RTN4: variants seen among roughly 807,000 people sequenced by gnomAD.
RTN4 encodes reticulon-4.
In RTN4, 32 loss-of-function variants were observed where a neutral mutation model predicts 90.4. That is an observed-to-expected ratio of 0.35 (90% CI 0.27 to 0.48). The LOEUF is 0.48. Among genes scored for constraint, RTN4 ranks in the 20% least tolerant of loss-of-function variants. RTN4 has a pLI of 0.99. For missense variants in RTN4, 1,706 were observed against 1,430.2 expected (o/e 1.19, Z -3.11); for synonymous variants, 629 against 552.5 (o/e 1.14, Z -1.94).
At chr2:55,104,472 T>G (rs1475324329) in intron 1 of RTN4, among the ~76,000 whole-genome samples, 1 of 151,964 alleles carries the variant, frequency 6.6e-6, no homozygotes, top group Admixed American at 6.6e-5. Context: ...TGCTTCAGCC[T>G]CCCGAGTATC....
rs1668018633 is a variant in RTN4, at chr2:55,050,089, G to A, written c.212C>T (p.Ala71Val). The A allele has an allele frequency of 2.7e-6, 4 of 1,473,414 alleles. No individual in the cohort carries two copies. The African/African-American group carries it at 4.4e-5, about 16-fold the overall frequency. The allele number at this position is 1,473,414 out of a possible 1,614,324, so 91.3% of individuals were successfully genotyped here. A position where few individuals can be genotyped will look rare whatever the true frequency, so the allele number is the denominator to read the frequency against. The change falls in exon 1 of 9, where the codon GCC becomes GTC. Residue 71 changes from alanine to valine, a missense_variant. Ala to Val is a moderately conservative substitution (Grantham distance 64). Transcript: ENST00000337526. The surrounding 1 kb of genome is among the most constrained non-coding windows in gnomAD (Gnocchi z 4.6). ...CATCAGGGGCGCGCCGGCGGCAGGGGCGGTGGGCACTGGGGCCGCGGACAG... is the reference window on the plus strand; with the variant it reads ...CATCAGGGGCGCGCCGGCGGCAGGGACGGTGGGCACTGGGGCCGCGGACAG... Reference protein sequence around the residue: ...AGLSAAPVPTAPAAGAPLMDF... With the variant: ...AGLSAAPVPTVPAAGAPLMDF...
chr2:55,093,657 G>A (rs1200738831), intron 1 of RTN4, among the ~76,000 whole-genome samples: 1 of 152,130 alleles, frequency 6.6e-6, no homozygotes, highest in Non-Finnish European at 1.5e-5. Flanking sequence ...GGCCAGGGGG[G>A]ATTAGGAAAG....
At chr2:55,064,040 G>A (rs941322164) in intron 2 of RTN4, among the ~76,000 whole-genome samples, 1 of 151,916 alleles carries the variant, frequency 6.6e-6, no homozygotes, top group African/African-American at 2.4e-5. Flanking sequence ...GGGCAACAAA[G>A]TGAGACCCTC....
chr2:55,071,196 G>A (rs1403561810), intron 2 of RTN4, among the ~76,000 whole-genome samples: 3 of 151,574 alleles, frequency 2.0e-5, no homozygotes, highest in African/African-American at 7.3e-5. Flanking sequence ...GCCACCAGGG[G>A]GTCTCTTGCT....
intron 3 of RTN4, among the ~76,000 whole-genome samples, chr2:54,995,097 G>A (rs900410433): frequency 6.6e-6 from 1 of 151,970 alleles, no homozygotes; most frequent in African/African-American, 2.4e-5. Flanking sequence ...AAAATTAGCT[G>A]GGCATGGTGG....
chr2:54,997,284 T>C (rs1679504366), intron 3 of RTN4, among the ~76,000 whole-genome samples: 2 of 152,118 alleles, frequency 1.3e-5, no homozygotes, highest in African/African-American at 2.4e-5. Flanking sequence ...ATTATAAAAA[T>C]GCAAACCAAA....
In RTN4 at chr2:55,027,057, T is replaced by C. The variant is rs1675377308; in HGVS notation, c.1042A>G (p.Thr348Ala). ...TCTTTAACCAATTTAGTAAGAGCTG[T>C]AGGTAACTCTTGTTGATTATGAAGG... ...NILHNQQELP[T>A]ALTKLVKEDE... is the part of the protein sequence containing the mutation. Residue 348 changes from threonine to alanine, a missense_variant, in exon 3 of 9, where the codon ACA becomes GCA. Coordinates refer to ENST00000337526, the MANE Select transcript of RTN4 (RefSeq NM_020532.5). 1.9e-6 allele frequency: 3 copies of C among 1,613,360 alleles called. No homozygotes were observed. Among genetic ancestry groups the C allele is most frequent in the African/African-American group, 2.7e-5 (2 of 75,038 alleles).
chr2:55,035,023 C>G (rs56013263), intron 1 of RTN4, among the ~76,000 whole-genome samples: 41,149 of 151,834 alleles, frequency 0.27, 5,974 homozygotes, highest in Non-Finnish European at 0.33. Flanking sequence ...GGAGATAAAT[C>G]TGAATATTAT....
chr2:55,003,737 A>T (rs1351925753), intron 3 of RTN4, among the ~76,000 whole-genome samples: 1 of 152,222 alleles, frequency 6.6e-6, no homozygotes. Flanking sequence ...TCTGTAACTA[A>T]GCAAGTACAG....
chr2:54,975,689 A>G (rs1677569674), intron 5 of RTN4, among the ~76,000 whole-genome samples: 8 of 152,204 alleles, frequency 5.3e-5, no homozygotes, highest in Admixed American at 5.2e-4. Flanking sequence ...TAAAGCATAT[A>G]TCTTTCTCCA....
chr2:55,062,873 T>C (rs1343649911), intron 2 of RTN4, among the ~76,000 whole-genome samples: 2 of 152,346 alleles, frequency 1.3e-5, no homozygotes, highest in African/African-American at 4.8e-5. Flanking sequence ...TTTAACAGTG[T>C]GTATAAAATC....
At chr2:55,062,298 A>C (rs778255472) in intron 2 of RTN4, among the ~76,000 whole-genome samples, 1 of 151,916 alleles carries the variant, frequency 6.6e-6, no homozygotes, top group Non-Finnish European at 1.5e-5. Flanking sequence ...CTGTCCTTGC[A>C]ATAAGGCAGG....
At chr2:55,119,112 G>C in the RTN4 span, among the ~76,000 whole-genome samples, 1 of 152,190 alleles carries the variant, frequency 6.6e-6, no homozygotes, top group Non-Finnish European at 1.5e-5. Flanking sequence ...AGAGGTGGGA[G>C]GCTGGATGGA....
At chr2:54,989,606 A>G (rs1411187178) in intron 3 of RTN4, among the ~76,000 whole-genome samples, 1 of 152,228 alleles carries the variant, frequency 6.6e-6, no homozygotes, top group Non-Finnish European at 1.5e-5. Context: ...AAGTAACTCA[A>G]CCTAGCAGAA....
At chr2:55,040,466 C>T (rs927309154) in intron 1 of RTN4, among the ~76,000 whole-genome samples, 6 of 152,112 alleles carry the variant, frequency 3.9e-5, no homozygotes, top group Non-Finnish European at 7.4e-5. Context: ...TCACCTCCAT[C>T]TACGGTTGTC....
At chr2:55,020,649 C>G (rs1051416867) in intron 3 of RTN4, among the ~76,000 whole-genome samples, 1 of 152,196 alleles carries the variant, frequency 6.6e-6, no homozygotes, top group African/African-American at 2.4e-5. Context: ...TTATTCATCT[C>G]TCTTGCAAAA....
chr2:55,110,350 C>T (rs1668016582), intron 1 of RTN4, among the ~76,000 whole-genome samples: 1 of 151,158 alleles, frequency 6.6e-6, no homozygotes, highest in South Asian at 2.1e-4. Context: ...TCTCGTGCCT[C>T]TCATCAATAG....
chr2:55,126,655 A>G, the RTN4 span, among the ~76,000 whole-genome samples: 92,181 of 152,004 alleles, frequency 0.61, 28,145 homozygotes, highest in African/African-American at 0.65. Flanking sequence ...CTACCATTCG[A>G]CCCAGCAATC....
rs549256260 is a variant in RTN4 at position 54,993,076 on chromosome 2, A to G, written c.3014-5378T>C. On this transcript the variant is annotated intron_variant, in intron 3 of 8. Transcript: ENST00000337526. ...GCAACAGAGCGAGACTCCATCTCGGAAAAAAAAAAAAAAAAAAGAAAAGAA... is the reference window on the plus strand; with the variant it reads ...GCAACAGAGCGAGACTCCATCTCGGGAAAAAAAAAAAAAAAAAGAAAAGAA... Among the ~76,000 whole-genome samples, 61 of 111,420 alleles carry G rather than the reference A, an allele frequency of 5.5e-4. No homozygotes were observed. In the East Asian group the frequency reaches 0.011, roughly 20 times the overall value. The allele number at this position is 111,420 out of a possible 152,430, so 73.1% of individuals were successfully genotyped here.
Sources: gnomAD v4.1 joint callset for allele counts (sites outside exome capture counted in the v4.1 genomes callset) on GRCh38, gnomAD v4.1.1 for gene constraint, Gnocchi (gnomAD v3.1) non-coding constraint, MANE v1.5 for transcripts, NCBI Gene and HGNC (gene_info 2026-07-23, HGNC 2026-07-21) for gene names.